The following GRAMD1B variants were observed in gnomAD, a reference collection of about 807,000 sequenced individuals.
GRAMD1B encodes the protein protein Aster-B.
In GRAMD1B, 37 loss-of-function variants were observed where a neutral mutation model predicts 99.7. The ratio of observed to expected loss-of-function variants is 0.37; its 90% CI spans 0.29 to 0.49. GRAMD1B has a LOEUF of 0.49. Ranked by LOEUF, GRAMD1B falls within the 20% of genes least tolerant of loss-of-function variation. GRAMD1B has a pLI of 0.98. For synonymous variants in GRAMD1B, 427 were observed against 387.6 expected, an observed-to-expected ratio of 1.10 and a Z score of -1.19; for missense variants, 888 against 1,009.2, an observed-to-expected ratio of 0.88 and a Z score of 1.63.
chr11:123,402,791 G>A (rs959418337), intron 1 of GRAMD1B, among the ~76,000 whole-genome samples: 3 of 151,934 alleles, frequency 2.0e-5, no homozygotes, highest in Non-Finnish European at 4.4e-5. Context: ...TAATACTCTC[G>A]CTCTCTCTCT....
chr11:123,399,114 A>T (rs1356388252), intron 1 of GRAMD1B, among the ~76,000 whole-genome samples: 1 of 152,198 alleles, frequency 6.6e-6, no homozygotes, highest in Non-Finnish European at 1.5e-5. Context: ...TCTCTGGCAA[A>T]CAACATTCTA....
chr11:123,380,350 G>A lies in GRAMD1B; in HGVS notation c.-176+21551G>A, dbSNP rs377257971. On this transcript the variant is annotated intron_variant, in intron 1 of 20. Transcript: ENST00000638157. ...CTCATGGTCTATTTTTAAAAAGCAA[G>A]TTGTATGACATTTAAAACTCAGATA... Among the ~76,000 whole-genome samples the A allele has an allele frequency of 3.3e-5, 5 of 152,166 alleles. No individual in the cohort carries two copies. The East Asian group carries it at 9.6e-4, about 29-fold the overall frequency.
At chr11:123,380,006 TA>T (rs1338615020) in intron 1 of GRAMD1B, among the ~76,000 whole-genome samples, 1 of 152,236 alleles carries the variant, frequency 6.6e-6, no homozygotes, top group Non-Finnish European at 1.5e-5. Flanking sequence ...AATGTTTATT[TA>T]GGTCCTTTCT....
chr11:123,458,182 A>T (rs955508394), intron 1 of GRAMD1B, among the ~76,000 whole-genome samples: 1 of 152,178 alleles, frequency 6.6e-6, no homozygotes, highest in Non-Finnish European at 1.5e-5. Context: ...GTCCCACAAC[A>T]CACCGGAGAC....
chr11:123,610,462 T>C lies in GRAMD1B; in HGVS notation c.1919+124T>C, dbSNP rs2136952358. 1.1e-6 allele frequency: 1 copy of C among 926,682 alleles called. No individual in the cohort carries two copies. Among genetic ancestry groups the C allele is most frequent in the East Asian group, 2.4e-5 (1 of 41,428 alleles). 57.4% of individuals were successfully genotyped at this position (926,682 alleles called of 1,614,324 possible). A position where few individuals can be genotyped will look rare whatever the true frequency, so the allele number is the denominator to read the frequency against. On this transcript the variant is annotated intron_variant, in intron 14 of 19. Coordinates refer to ENST00000635736, the MANE Select transcript of GRAMD1B (RefSeq NM_001387025.1). This position sits in a 1 kb window ranked among gnomAD's most constrained non-coding sequence, Gnocchi z 4.1. ...GGCTGCTGACTCTCTTTATTCTACT[T>C]TCTCTCCGAAGCCTTATGAGGCTCA... is the stretch of plus-strand genomic sequence containing the variant.
intron 1 of GRAMD1B, among the ~76,000 whole-genome samples, chr11:123,371,453 T>C (rs568437267): frequency 6.6e-6 from 1 of 152,362 alleles, no homozygotes; most frequent in East Asian, 1.9e-4. Context: ...AAGGTTGAGT[T>C]ATTTTATGTC....
intron 1 of GRAMD1B, among the ~76,000 whole-genome samples, chr11:123,473,227 C>A (rs1591637280): frequency 6.6e-6 from 1 of 152,232 alleles, no homozygotes; most frequent in East Asian, 1.9e-4. Context: ...CCATGCCTGG[C>A]TAAGTTTTGT....
At chr11:123,389,214 C>G (rs1224054016) in intron 1 of GRAMD1B, among the ~76,000 whole-genome samples, 1 of 152,028 alleles carries the variant, frequency 6.6e-6, no homozygotes, top group Non-Finnish European at 1.5e-5. Context: ...GAAACCCCGT[C>G]TTTACTAAAA....
At position 123,622,610 on chromosome 11, in the gene GRAMD1B, G is replaced by A; in HGVS notation, c.*15G>A. On this transcript the variant is annotated 3_prime_UTR_variant, in exon 20 of 20. Coordinates refer to ENST00000635736, the MANE Select transcript of GRAMD1B (RefSeq NM_001387025.1). ...GCTATCATTGACAAGGCAGGAACAG[G>A]GTGGCTGCAAGAGGCCTGTGCAATA... 6.9e-7 allele frequency: 1 copy of A among 1,442,622 alleles called. No individual in the cohort carries two copies. The highest frequency in any genetic ancestry group is 1.2e-5 in the South Asian group (1 of 81,944). 89.4% of individuals were successfully genotyped at this position (1,442,622 alleles called of 1,614,324 possible).
At chr11:123,618,081 C>T (rs543042374) in intron 17 of GRAMD1B, among the ~76,000 whole-genome samples, 7 of 152,318 alleles carry the variant, frequency 4.6e-5, no homozygotes, top group African/African-American at 1.7e-4. Context: ...CAGTCTCACC[C>T]TTCAGTTAGG....
chr11:123,567,422 G>A (rs930910894), intron 2 of GRAMD1B, among the ~76,000 whole-genome samples: 4 of 152,202 alleles, frequency 2.6e-5, no homozygotes, highest in Non-Finnish European at 4.4e-5. Flanking sequence ...TGGTTCTGTA[G>A]CATTATCAGT....
intron 1 of GRAMD1B, among the ~76,000 whole-genome samples, chr11:123,468,988 C>A (rs1394128887): frequency 1.3e-5 from 2 of 151,856 alleles, no homozygotes; most frequent in African/African-American, 2.4e-5. Context: ...TATTGTCACC[C>A]CCATTTTATA....
chr11:123,579,664 G>C (rs1429320234), intron 3 of GRAMD1B, among the ~76,000 whole-genome samples: 1 of 152,062 alleles, frequency 6.6e-6, no homozygotes, highest in Non-Finnish European at 1.5e-5. Context: ...CTGGCAAGAG[G>C]GTGGATATGG....
At chr11:123,482,085 T>A (rs539175015) in intron 2 of GRAMD1B, among the ~76,000 whole-genome samples, 30 of 152,178 alleles carry the variant, frequency 2.0e-4, no homozygotes, top group African/African-American at 6.0e-4. Flanking sequence ...TGTGATTTTT[T>A]AATTTTTTAA....
intron 1 of GRAMD1B, among the ~76,000 whole-genome samples, chr11:123,476,209 T>A (rs953193927): frequency 6.6e-6 from 1 of 152,154 alleles, no homozygotes; most frequent in Non-Finnish European, 1.5e-5. Context: ...CAAGTGATTC[T>A]CCTGCCTCAA....
chr11:123,491,411 A>C (rs1355982216), intron 2 of GRAMD1B, among the ~76,000 whole-genome samples: 1 of 152,078 alleles, frequency 6.6e-6, no homozygotes, highest in East Asian at 1.9e-4. Context: ...GTGATCCCTT[A>C]CCATGGGGAG....
At chr11:123,547,578 C>CA (rs996798389) in intron 2 of GRAMD1B, among the ~76,000 whole-genome samples, 5 of 151,864 alleles carry the variant, frequency 3.3e-5, no homozygotes, top group Admixed American at 1.3e-4. Context: ...TCTGGAGGAA[C>CA]AAAAAAAAGA....
chr11:123,392,856 A>G (rs1405477420), intron 1 of GRAMD1B, among the ~76,000 whole-genome samples: 1 of 152,202 alleles, frequency 6.6e-6, no homozygotes, highest in African/African-American at 2.4e-5. Context: ...GTTACATTTC[A>G]TCTTGTTATA....
At chr11:123,482,621 T>C (rs1286089949) in intron 2 of GRAMD1B, among the ~76,000 whole-genome samples, 1 of 152,198 alleles carries the variant, frequency 6.6e-6, no homozygotes, top group Non-Finnish European at 1.5e-5. Context: ...GCATGGTGCA[T>C]GGATTAAACA....
Sources: gnomAD v4.1 joint callset for allele counts (sites outside exome capture counted in the v4.1 genomes callset) on GRCh38, gnomAD v4.1.1 for gene constraint, Gnocchi (gnomAD v3.1) non-coding constraint, MANE v1.5 for transcripts, NCBI Gene and HGNC (gene_info 2026-07-23, HGNC 2026-07-21) for gene names.